Variants in RP1 observed in about 807,000 individuals in gnomAD.
The protein encoded by RP1 is RP1 axonemal microtubule associated.
A neutral mutation model predicts 14.8 loss-of-function variants in RP1; 16 were observed. The ratio of observed to expected loss-of-function variants is 1.08; its 90% CI spans 0.73 to 1.65. RP1 has a LOEUF of 1.65. Ranked by LOEUF, RP1 falls within the 40% of genes most tolerant of loss-of-function variation. The pLI is 0.00. For missense variants in RP1, 2,631 were observed against 2,535.0 expected (o/e 1.04, Z -0.81); for synonymous variants, 876 against 883.6 (o/e 0.99, Z 0.15).
intron 1 of RP1, among the ~76,000 whole-genome samples, chr8:54,599,715 A>T (rs919394670): frequency 6.6e-6 from 1 of 152,154 alleles, no homozygotes; most frequent in African/African-American, 2.4e-5. Context: ...TTGGCCTCCC[A>T]AAGTACTGGG....
chr8:54,765,439 G>T (rs904738745), intron 22 of RP1, among the ~76,000 whole-genome samples: 3 of 152,230 alleles, frequency 2.0e-5, no homozygotes, highest in Non-Finnish European at 4.4e-5. Context: ...AGCAGGGGCA[G>T]CCCTGTTTGA....
chr8:54,658,884 GT>G (rs34788930), intron 6 of RP1, among the ~76,000 whole-genome samples: 4,413 of 145,656 alleles, frequency 0.03, 126 homozygotes, highest in African/African-American at 0.067. Flanking sequence ...CCCAACACTT[GT>G]TTTTTTTTTT....
chr8:54,865,951 CT>C, intron 28 of RP1: 1 of 950,194 alleles, frequency 1.1e-6, no homozygotes, highest in Non-Finnish European at 1.4e-6. Flanking sequence ...CAAAATTATG[CT>C]CTCTTTGTCC....
At position 54,686,596 on chromosome 8, in the gene RP1, C is replaced by CT. The variant is rs575041681; in HGVS notation, c.1717+6666dup. Among the ~76,000 whole-genome samples the CT allele has an allele frequency of 1.1e-4, 17 of 152,184 alleles. No individual in the cohort carries two copies. The South Asian group carries it at 3.5e-3, about 32-fold the overall frequency. On this transcript the variant is annotated intron_variant, in intron 12 of 22. Coordinates refer to the RP1 transcript ENST00000636932. ...AGGGAACTTCATTTTATGATAAACTCTTTAGGTACTAGAAACAATACTGTA... is the reference window on the plus strand; with the variant it reads ...AGGGAACTTCATTTTATGATAAACTCTTTTAGGTACTAGAAACAATACTGTA...
At chr8:54,590,069 C>T (rs1170499842) in intron 1 of RP1, among the ~76,000 whole-genome samples, 1 of 152,186 alleles carries the variant, frequency 6.6e-6, no homozygotes, top group African/African-American at 2.4e-5. Context: ...AGCGTGCCTG[C>T]TCCTGCCATT....
chr8:54,857,919 GTAACTCTA>G (rs748626650), intron 27 of RP1, among the ~76,000 whole-genome samples: 1 of 152,098 alleles, frequency 6.6e-6, no homozygotes, highest in Non-Finnish European at 1.5e-5. Flanking sequence ...CTGCTAAAAT[GTAACTCTA>G]TATTATAACT....
intron 27 of RP1, among the ~76,000 whole-genome samples, chr8:54,859,701 G>T (rs2129328037): frequency 6.6e-6 from 1 of 152,164 alleles, no homozygotes; most frequent in South Asian, 2.1e-4. Context: ...TTACTGTAGT[G>T]CTGGGTTGCT....
chr8:54,576,862 C>T (rs1056885422), intron 1 of RP1, among the ~76,000 whole-genome samples: 1 of 152,150 alleles, frequency 6.6e-6, no homozygotes, highest in Admixed American at 6.6e-5. Context: ...GTGGACGGTG[C>T]TTTCTGTTGC....
intron 15 of RP1, among the ~76,000 whole-genome samples, chr8:54,707,849 A>G (rs1476850941): frequency 3.9e-5 from 6 of 152,240 alleles, no homozygotes; most frequent in Non-Finnish European, 8.8e-5. Flanking sequence ...TCTACCCACA[A>G]GTGCATAATG....
Position 54,726,411 on chromosome 8 carries a change from CA to C in RP1, c.2463del (p.Lys821AsnfsTer41). 2.6e-6 allele frequency: 4 copies of C among 1,533,766 alleles called. No homozygotes were observed. Among genetic ancestry groups the C allele is most frequent in the South Asian group, 2.4e-5 (2 of 83,752 alleles). On this transcript the variant is annotated frameshift_variant, in exon 17 of 23. Transcript: ENST00000636932. LOFTEE classifies it high-confidence loss of function. ...CAAGAAGAAGAAAAGATCCATGAGT[CA>C]AAAAAACAGAAAAAAATACCCCCAG...
chr8:54,750,973 C>A (rs1418566034), intron 19 of RP1, among the ~76,000 whole-genome samples: 1 of 152,206 alleles, frequency 6.6e-6, no homozygotes, highest in Non-Finnish European at 1.5e-5. Flanking sequence ...TGCTCGGGTA[C>A]CCTTCCACTC....
intron 22 of RP1, among the ~76,000 whole-genome samples, chr8:54,761,966 G>C (rs1362389952): frequency 6.6e-6 from 1 of 152,090 alleles, no homozygotes; most frequent in Non-Finnish European, 1.5e-5. Context: ...AGTTACTTCT[G>C]TCTCCCAGAG....
At chr8:54,693,293 T>C (rs1056262055) in intron 12 of RP1, among the ~76,000 whole-genome samples, 3 of 152,000 alleles carry the variant, frequency 2.0e-5, no homozygotes, top group Non-Finnish European at 2.9e-5. Flanking sequence ...ATTGACTTGG[T>C]GATGCGGGCT....
intron 24 of RP1, among the ~76,000 whole-genome samples, chr8:54,799,738 C>T (rs923511983): frequency 1.3e-5 from 2 of 152,020 alleles, no homozygotes; most frequent in South Asian, 4.1e-4. Flanking sequence ...TATGCTACCC[C>T]ATGTGCAGTA....
intron 22 of RP1, among the ~76,000 whole-genome samples, chr8:54,763,069 A>C (rs1809679637): frequency 6.6e-6 from 1 of 152,102 alleles, no homozygotes; most frequent in African/African-American, 2.4e-5. Context: ...TTGGGGGAAC[A>C]CTATTTAACC....
intron 7 of RP1, among the ~76,000 whole-genome samples, chr8:54,671,676 T>C (rs1807184591): frequency 6.6e-6 from 1 of 152,150 alleles, no homozygotes; most frequent in South Asian, 2.1e-4. Context: ...TTCTGTTTTG[T>C]TCTTTCTTAT....
intron 1 of RP1, among the ~76,000 whole-genome samples, chr8:54,581,825 T>C (rs1412526680): frequency 6.6e-6 from 1 of 152,276 alleles, no homozygotes; most frequent in Admixed American, 6.5e-5. Flanking sequence ...TGTCTGTTCA[T>C]ATCCTTTGCC....
intron 1 of RP1, among the ~76,000 whole-genome samples, chr8:54,575,110 C>A (rs1238953462): frequency 2.6e-5 from 4 of 152,198 alleles, no homozygotes; most frequent in African/African-American, 7.2e-5. Flanking sequence ...TGAACTTTTT[C>A]CCAGGTCAAT....
chr8:54,645,132 G>A (rs1364922796), intron 3 of RP1, among the ~76,000 whole-genome samples: 1 of 152,106 alleles, frequency 6.6e-6, no homozygotes, highest in Non-Finnish European at 1.5e-5. Flanking sequence ...AACCCATGAC[G>A]AACCTGTTGA....
Sources: allele counts gnomAD v4.1 joint callset (sites outside exome capture counted in the v4.1 genomes callset), GRCh38; gene constraint gnomAD v4.1.1; transcripts MANE v1.5; gene names NCBI Gene and HGNC (gene_info 2026-07-23, HGNC 2026-07-21).